The following MKLN1 variants were observed in gnomAD, a reference collection of about 807,000 sequenced individuals.
The protein encoded by MKLN1 is muskelin.
Under a neutral mutation model 99.0 loss-of-function variants are expected in MKLN1, and 18 were observed. The observed-to-expected ratio is 0.18, with a 90% confidence interval of 0.13 to 0.27. The LOEUF (loss-of-function observed/expected upper bound fraction) is 0.27, where lower values mean the gene tolerates loss of function less well. Among genes scored for constraint, MKLN1 ranks in the 10% least tolerant of loss-of-function variants. The pLI is 1.00. For synonymous variants in MKLN1, 288 were observed against 293.2 expected, an observed-to-expected ratio of 0.98 and a Z score of 0.18; for missense variants, 621 against 875.9, an observed-to-expected ratio of 0.71 and a Z score of 3.67.
chr7:131,117,765 T>G (rs1223907628), intron 1 of MKLN1, among the ~76,000 whole-genome samples: 4 of 152,152 alleles, frequency 2.6e-5, no homozygotes, highest in African/African-American at 7.2e-5. Flanking sequence ...TTGCCCAGAT[T>G]AAGGCAGTGA....
At chr7:131,347,652 T>A (rs1799603995) in intron 1 of MKLN1, among the ~76,000 whole-genome samples, 1 of 151,908 alleles carries the variant, frequency 6.6e-6, no homozygotes, top group Admixed American at 6.6e-5. Flanking sequence ...GAGGTGAGAG[T>A]CAATAAATCC....
chr7:131,302,989 T>C (rs1355263350), intron 3 of MKLN1, among the ~76,000 whole-genome samples: 1 of 152,178 alleles, frequency 6.6e-6, no homozygotes, highest in Non-Finnish European at 1.5e-5. Context: ...TATGCTTGTG[T>C]GGATGTGTTT....
chr7:131,117,259 G>C (rs534873096), intron 1 of MKLN1, among the ~76,000 whole-genome samples: 1 of 151,822 alleles, frequency 6.6e-6, no homozygotes, highest in Non-Finnish European at 1.5e-5. Flanking sequence ...GTGAAACCTC[G>C]TCTCTACTAA....
chr7:131,271,618 T>TAAA (rs757729397), intron 3 of MKLN1, among the ~76,000 whole-genome samples: 1 of 102,306 alleles, frequency 9.8e-6, no homozygotes. Flanking sequence ...CTCCGTCTCC[T>TAAA]AAAAAAAAAA....
At chr7:131,445,654 A>T in intron 11 of MKLN1, 120 bp from the exon 12 acceptor site, 1 of 705,622 alleles carries the variant, frequency 1.4e-6, no homozygotes, top group East Asian at 2.7e-5. Context: ...CCAGCATAGT[A>T]CTCCATTGGG....
intron 12 of MKLN1, among the ~76,000 whole-genome samples, chr7:131,447,732 A>G (rs1479911554): frequency 6.6e-6 from 1 of 152,238 alleles, no homozygotes. Context: ...TAATCTAGCT[A>G]GTAGGTAATG....
At chr7:131,208,139 AAG>A (rs1398387957) in intron 3 of MKLN1, among the ~76,000 whole-genome samples, 1 of 152,228 alleles carries the variant, frequency 6.6e-6, no homozygotes, top group East Asian at 1.9e-4. Context: ...ACTGCACTGA[AAG>A]AGTGATACAA....
At chr7:131,123,022 CAAAAAAAAAAAA>C (rs59581806) in intron 1 of MKLN1, among the ~76,000 whole-genome samples, 16 of 60,374 alleles carry the variant, frequency 2.7e-4, no homozygotes, top group African/African-American at 7.0e-4. Flanking sequence ...GACTCCGTCT[CAAAAAAAAAAAA>C]AAAAAAAAAA....
chr7:131,426,357 C>A (rs762641478), intron 8 of MKLN1, among the ~76,000 whole-genome samples: 27 of 152,136 alleles, frequency 1.8e-4, no homozygotes, highest in African/African-American at 2.4e-4. Context: ...TTATATACCC[C>A]CTCTCCAGGC....
chr7:131,287,042 C>A (rs1336055385), intron 3 of MKLN1, among the ~76,000 whole-genome samples: 1 of 152,198 alleles, frequency 6.6e-6, no homozygotes, highest in African/African-American at 2.4e-5. Flanking sequence ...ATTGAGGCTG[C>A]AGTGAGCCAC....
upstream of MKLN1, chr7:131,326,898 T>G (rs976191305): frequency 1.3e-5 from 2 of 152,238 alleles, no homozygotes; most frequent in African/African-American, 4.8e-5. Context: ...TCCAACCTCT[T>G]AGACAATAAG....
rs115955319 is a variant in MKLN1 at position 131,453,188 on chromosome 7, G to T, written c.1525+7285G>T. Among the ~76,000 whole-genome samples the T allele has an allele frequency of 2.5e-3, 385 of 152,270 alleles. 3 individuals are homozygous for T. The highest frequency in any genetic ancestry group is 8.7e-3 in the African/African-American group (360 of 41,544). ...TTTAGATATGATATTTAGGTTACTT[G>T]ATAGTAAATGAGAATTAAAGTTCAC... On this transcript the variant is annotated intron_variant, in intron 12 of 17. Coordinates refer to ENST00000352689, the MANE Select transcript of MKLN1 (RefSeq NM_013255.5).
chr7:131,455,540 G>A (rs939264493), intron 12 of MKLN1, among the ~76,000 whole-genome samples: 5 of 151,996 alleles, frequency 3.3e-5, no homozygotes, highest in African/African-American at 1.2e-4. Context: ...TCAGATAAAT[G>A]TTCTTTCAAA....
At chr7:131,297,107 C>T (rs1798301345) in intron 3 of MKLN1, among the ~76,000 whole-genome samples, 1 of 152,066 alleles carries the variant, frequency 6.6e-6, no homozygotes, top group African/African-American at 2.4e-5. Context: ...AATCCCAGCA[C>T]TTTGGGAGGC....
At chr7:131,352,067 G>T (rs1799736009) in intron 1 of MKLN1, among the ~76,000 whole-genome samples, 1 of 152,082 alleles carries the variant, frequency 6.6e-6, no homozygotes, top group South Asian at 2.1e-4. Context: ...CTAGTTTTCA[G>T]CATAGTGAGT....
chr7:131,326,504 G>A (rs141899552), upstream of MKLN1, among the ~76,000 whole-genome samples: 797 of 152,138 alleles, frequency 5.2e-3, 12 homozygotes, highest in African/African-American at 0.018. Context: ...GTCACCACAC[G>A]CAGCTAACTT....
At chr7:131,468,506 T>C (rs760205320) in intron 15 of MKLN1, among the ~76,000 whole-genome samples, 4 of 152,222 alleles carry the variant, frequency 2.6e-5, no homozygotes, top group Non-Finnish European at 4.4e-5. Flanking sequence ...TTAGTTAGAA[T>C]ATAAATTTAG....
chr7:131,407,013 T>G (rs1204150915), intron 6 of MKLN1, among the ~76,000 whole-genome samples: 1 of 152,132 alleles, frequency 6.6e-6, no homozygotes, highest in Non-Finnish European at 1.5e-5. Flanking sequence ...AAATATATGT[T>G]GCCTTTGTCT....
At chr7:131,229,814 G>A (rs973210495) in intron 3 of MKLN1, among the ~76,000 whole-genome samples, 3 of 152,068 alleles carry the variant, frequency 2.0e-5, no homozygotes, top group East Asian at 1.9e-4. Flanking sequence ...TCAGCCTCCC[G>A]AAGTGCTAGG....
Sources: gnomAD v4.1 joint callset for allele counts (sites outside exome capture counted in the v4.1 genomes callset) on GRCh38, gnomAD v4.1.1 for gene constraint, MANE v1.5 for transcripts, NCBI Gene and HGNC (gene_info 2026-07-23, HGNC 2026-07-21) for gene names.